PAN3: variants seen among roughly 807,000 people sequenced by gnomAD.
The protein encoded by PAN3 is PAN2-PAN3 deadenylation complex subunit PAN3.
In PAN3, 19 loss-of-function variants were observed where a neutral mutation model predicts 96.2. That is an observed-to-expected ratio of 0.20 (90% CI 0.14 to 0.29). The LOEUF (loss-of-function observed/expected upper bound fraction) is 0.29, where lower values mean the gene tolerates loss of function less well. Ranked by LOEUF, PAN3 falls within the 10% of genes least tolerant of loss-of-function variation. The pLI is 1.00. For missense variants in PAN3, 882 were observed against 1,108.1 expected (o/e 0.80, Z 2.90); for synonymous variants, 433 against 406.6 (o/e 1.06, Z -0.78).
chr13:28,146,051 A>G (rs1870586675), intron 1 of PAN3, among the ~76,000 whole-genome samples: 2 of 152,062 alleles, frequency 1.3e-5, no homozygotes, highest in Admixed American at 6.6e-5. Flanking sequence ...GTGAGTCACC[A>G]TGCTTGGCCC....
chr13:28,248,979 C>T (rs7332006), intron 6 of PAN3, among the ~76,000 whole-genome samples: 1 of 151,836 alleles, frequency 6.6e-6, no homozygotes, highest in African/African-American at 2.4e-5. Context: ...GCATGTTAGA[C>T]CTTTATTAAA....
chr13:28,276,296 A>G (rs1267454949), intron 14 of PAN3, among the ~76,000 whole-genome samples: 2 of 152,174 alleles, frequency 1.3e-5, no homozygotes, highest in East Asian at 1.9e-4. Context: ...ACGTGTGTCT[A>G]ATAATTTAGA....
At chr13:28,265,324 C>T (rs1050476806) in intron 9 of PAN3, among the ~76,000 whole-genome samples, 3 of 152,198 alleles carry the variant, frequency 2.0e-5, no homozygotes, top group Non-Finnish European at 4.4e-5. Context: ...CTCAGCCTCC[C>T]AAGTAGCTAG....
At chr13:28,234,472 A>G (rs1309695214) in intron 6 of PAN3, among the ~76,000 whole-genome samples, 1 of 152,184 alleles carries the variant, frequency 6.6e-6, no homozygotes, top group African/African-American at 2.4e-5. Flanking sequence ...TAATTTCTAT[A>G]TGCTGTAAAA....
At chr13:28,156,992 C>CAAAAAA (rs35448291) in intron 1 of PAN3, among the ~76,000 whole-genome samples, 2 of 18,450 alleles carry the variant, frequency 1.1e-4, no homozygotes, top group African/African-American at 1.7e-4. Flanking sequence ...GAGACCCTGT[C>CAAAAAA]AAAAAAAAAA....
At position 28,154,252 on chromosome 13, in the gene PAN3, G is replaced by GTAA. The variant is rs1334775577; in HGVS notation, c.430+15170_430+15172dup. ...GTTCTTTTCTGATTGAAGAGGCTAG[G>GTAA]TAATAATGCATATCATAAACATGTT... On this transcript the variant is annotated intron_variant, in intron 1 of 18. Transcript: ENST00000380958. Among the ~76,000 whole-genome samples the GTAA allele has an allele frequency of 8.5e-5, 13 of 152,196 alleles. No individual in the cohort carries two copies. In the South Asian group the frequency reaches 2.7e-3, roughly 32 times the overall value.
At chr13:28,191,008 C>T (rs903501660) in intron 4 of PAN3, among the ~76,000 whole-genome samples, 1 of 152,102 alleles carries the variant, frequency 6.6e-6, no homozygotes, top group African/African-American at 2.4e-5. Flanking sequence ...GTCAGGCTAT[C>T]AAGAATAGAG....
chr13:28,223,048 GGGTTTCCTCAAATTAT>G (rs1340469039), intron 6 of PAN3, among the ~76,000 whole-genome samples: 1 of 152,118 alleles, frequency 6.6e-6, no homozygotes, highest in Non-Finnish European at 1.5e-5. Flanking sequence ...TATTAAGAGT[GGGTTTCCTCAAATTAT>G]GAGGAACAAA....
At chr13:28,159,630 T>C (rs1242434030) in intron 1 of PAN3, among the ~76,000 whole-genome samples, 1 of 152,040 alleles carries the variant, frequency 6.6e-6, no homozygotes, top group East Asian at 1.9e-4. Context: ...GTATTTTTAG[T>C]AGAGATGGGG....
intron 13 of PAN3, among the ~76,000 whole-genome samples, chr13:28,271,477 A>G (rs1054138632): frequency 6.6e-6 from 1 of 152,208 alleles, no homozygotes; most frequent in African/African-American, 2.4e-5. Flanking sequence ...TACTGTCGAT[A>G]TGCCGTTGAA....
At chr13:28,277,155 TC>T in intron 14 of PAN3, 81 bp from the exon 15 acceptor site, 2 of 1,342,778 alleles carry the variant, frequency 1.5e-6, no homozygotes, top group Non-Finnish European at 2.0e-6. Context: ...TGATGCTTTT[TC>T]CATTTAGGCA....
rs767249321 is a variant in PAN3 at position 28,266,871 on chromosome 13, T to C, written c.1568T>C (p.Ile523Thr). Residue 523 changes from isoleucine (I) to threonine (T), a missense_variant, in exon 10 of 19, where the codon ATA becomes ACA. Coordinates refer to ENST00000380958, the MANE Select transcript of PAN3 (RefSeq NM_175854.8). Reference sequence around the variant, plus strand: ...GATCTGCCATATTGCCTTCGGAGGATACATGGTAAGGAAGATAAGTTATCT... The same window carrying C: ...GATCTGCCATATTGCCTTCGGAGGACACATGGTAAGGAAGATAAGTTATCT... ...KDDLPYCLRR[I>T]HGFRLVNTKC... 1 of 1,593,526 alleles carries C rather than the reference T, an allele frequency of 6.3e-7. No homozygotes were observed. Among genetic ancestry groups the C allele is most frequent in the South Asian group, 1.2e-5 (1 of 86,764 alleles).
At chr13:28,201,452 A>G (rs1471002618) in intron 5 of PAN3, among the ~76,000 whole-genome samples, 2 of 152,142 alleles carry the variant, frequency 1.3e-5, no homozygotes, top group African/African-American at 4.8e-5. Context: ...AGGCTGAGGC[A>G]GGAGAATGGT....
At chr13:28,162,544 G>A (rs1258264642) in intron 1 of PAN3, among the ~76,000 whole-genome samples, 1 of 151,972 alleles carries the variant, frequency 6.6e-6, no homozygotes, top group Non-Finnish European at 1.5e-5. Context: ...AAATTATATG[G>A]GCGTGGTGGC....
chr13:28,284,664 T>A lies in PAN3; in HGVS notation c.2384+3285T>A, dbSNP rs572972395. The stretch of plus-strand genomic sequence containing the variant: ...ACTACCTAGTAGTCCAAAAGCTGTT[T>A]ATTGAATAGTCGAACAATCTAGCTT... On this transcript the variant is annotated intron_variant, in intron 17 of 18. Transcript: ENST00000380958. Among the ~76,000 whole-genome samples, 669 of 152,320 alleles carry A rather than the reference T, an allele frequency of 4.4e-3. 9 individuals carry two copies. The highest frequency in any genetic ancestry group is 0.015 in the African/African-American group (636 of 41,578).
chr13:28,236,461 A>T (rs933248854), intron 6 of PAN3, among the ~76,000 whole-genome samples: 12 of 152,198 alleles, frequency 7.9e-5, no homozygotes, highest in Admixed American at 7.2e-4. Context: ...AAAATGTTCA[A>T]AATGCCAGAA....
intron 14 of PAN3, 190 bp downstream of exon 14, chr13:28,272,261 CT>C: frequency 2.5e-6 from 1 of 399,912 alleles, no homozygotes; most frequent in Non-Finnish European, 4.4e-6. Flanking sequence ...CTCTCTATTT[CT>C]TTCTCTCTCT....
intron 5 of PAN3, among the ~76,000 whole-genome samples, chr13:28,216,417 A>G (rs1000986386): frequency 3.3e-5 from 5 of 152,126 alleles, no homozygotes; most frequent in Non-Finnish European, 7.3e-5. Flanking sequence ...GATTTGGGTA[A>G]TGGTTTCCAG....
chr13:28,268,872 A>G lies in PAN3; in HGVS notation c.1792+1471A>G, dbSNP rs530531290. 1.5e-3 allele frequency among the ~76,000 whole-genome samples: 231 copies of G among 152,194 alleles called. 2 individuals carry two copies. The highest frequency in any genetic ancestry group is 5.4e-3 in the African/African-American group (224 of 41,534). ...AGTTGTGGTTACATGGCTGTTTCACATTTAAAATCTGGTCATAGAATGTGG... is the reference window on the plus strand; with the variant it reads ...AGTTGTGGTTACATGGCTGTTTCACGTTTAAAATCTGGTCATAGAATGTGG... On this transcript the variant is annotated intron_variant, in intron 12 of 18. Coordinates refer to ENST00000380958, the MANE Select transcript of PAN3 (RefSeq NM_175854.8).
Sources: gnomAD v4.1 joint callset for allele counts (sites outside exome capture counted in the v4.1 genomes callset) on GRCh38, gnomAD v4.1.1 for gene constraint, MANE v1.5 for transcripts, NCBI Gene and HGNC (gene_info 2026-07-23, HGNC 2026-07-21) for gene names.